Variants in BNC2 observed in about 807,000 individuals in gnomAD.
BNC2 encodes basonuclin zinc finger protein 2, also known as zinc finger protein basonuclin-2.
Under a neutral mutation model 76.3 loss-of-function variants are expected in BNC2, and 20 were observed. That is an observed-to-expected ratio of 0.26 (90% CI 0.18 to 0.38). The LOEUF (loss-of-function observed/expected upper bound fraction) is 0.38, where lower values mean the gene tolerates loss of function less well. BNC2 is among the 10% of genes least tolerant of loss of function. The pLI, the probability that BNC2 is intolerant of heterozygous loss-of-function variation, is 1.00. For missense variants in BNC2, 1,382 were observed against 1,399.8 expected (o/e 0.99, Z 0.20); for synonymous variants, 582 against 514.8 (o/e 1.13, Z -1.77).
chr9:16,640,441 G>A (rs1821459692), intron 3 of BNC2, among the ~76,000 whole-genome samples: 1 of 152,186 alleles, frequency 6.6e-6, no homozygotes, highest in Non-Finnish European at 1.5e-5. Context: ...ATCCTTTCAT[G>A]TTAGAAAATG....
chr9:16,655,583 T>C (rs1201265964), intron 3 of BNC2, among the ~76,000 whole-genome samples: 1 of 152,210 alleles, frequency 6.6e-6, no homozygotes, highest in Admixed American at 6.5e-5. Context: ...AATTCAAGCA[T>C]TACTGACAAA....
intron 3 of BNC2, among the ~76,000 whole-genome samples, chr9:16,674,379 T>C (rs1822574506): frequency 6.6e-6 from 1 of 152,150 alleles, no homozygotes; most frequent in African/African-American, 2.4e-5. Context: ...CCACTTACAA[T>C]ACACCATCAG....
At chr9:16,462,856 T>A (rs1587057097) in intron 5 of BNC2, among the ~76,000 whole-genome samples, 2 of 152,192 alleles carry the variant, frequency 1.3e-5, no homozygotes, top group South Asian at 4.1e-4. Context: ...ATGTCTCTTT[T>A]GTGCTCCAGA....
intron 1 of BNC2, among the ~76,000 whole-genome samples, chr9:16,815,296 A>G (rs180687595): frequency 1.8e-4 from 28 of 152,336 alleles, no homozygotes; most frequent in Admixed American, 4.6e-4. Flanking sequence ...ATGGCATGGA[A>G]AACTCAAACG....
At chr9:16,492,877 T>C (rs1215555889) in intron 5 of BNC2, among the ~76,000 whole-genome samples, 2 of 152,110 alleles carry the variant, frequency 1.3e-5, no homozygotes, top group Non-Finnish European at 2.9e-5. Context: ...TGAAACGTTG[T>C]GTCTTAAGTC....
intron 5 of BNC2, among the ~76,000 whole-genome samples, chr9:16,525,719 ATAT>A (rs2132139105): frequency 6.6e-6 from 1 of 152,342 alleles, no homozygotes; most frequent in East Asian, 1.9e-4. Flanking sequence ...TTTACAAGAT[ATAT>A]TATTAAGTGA....
At chr9:16,623,225 G>T (rs919895620) in intron 3 of BNC2, among the ~76,000 whole-genome samples, 1 of 152,126 alleles carries the variant, frequency 6.6e-6, no homozygotes, top group Admixed American at 6.6e-5. Flanking sequence ...AAAGTAGTCA[G>T]GTTAGCCACC....
intron 1 of BNC2, among the ~76,000 whole-genome samples, chr9:16,816,450 G>A (rs1818184951): frequency 6.6e-6 from 1 of 152,178 alleles, no homozygotes; most frequent in Admixed American, 6.5e-5. Flanking sequence ...ACCAAGCTGG[G>A]CAGCCTTCCC....
intron 1 of BNC2, among the ~76,000 whole-genome samples, chr9:16,786,591 G>T (rs547929388): frequency 1.4e-4 from 21 of 152,162 alleles, no homozygotes; most frequent in African/African-American, 5.1e-4. Flanking sequence ...TTTCTGTCCC[G>T]GATACCATAT....
intron 3 of BNC2, among the ~76,000 whole-genome samples, chr9:16,609,276 C>G (rs1820472453): frequency 1.3e-5 from 2 of 151,992 alleles, no homozygotes; most frequent in Non-Finnish European, 2.9e-5. Flanking sequence ...AGTATAAAAC[C>G]CACAGTATCC....
chr9:16,849,708 T>C (rs1449754809), intron 1 of BNC2, among the ~76,000 whole-genome samples: 2 of 152,096 alleles, frequency 1.3e-5, no homozygotes, highest in African/African-American at 2.4e-5. Context: ...GTATACAAAT[T>C]GGAAGAAGTT....
At chr9:16,546,047 G>A (rs1818471766) in intron 5 of BNC2, among the ~76,000 whole-genome samples, 1 of 152,098 alleles carries the variant, frequency 6.6e-6, no homozygotes, top group South Asian at 2.1e-4. Context: ...CGCCTAAAAT[G>A]CATTCCCTAT....
At chr9:16,549,339 T>A (rs371608320) in intron 5 of BNC2, among the ~76,000 whole-genome samples, 5 of 152,342 alleles carry the variant, frequency 3.3e-5, no homozygotes, top group African/African-American at 1.2e-4. Context: ...CAATATGTGG[T>A]AAGACTAACA....
intron 2 of BNC2, among the ~76,000 whole-genome samples, chr9:16,731,198 C>T (rs1208348240): frequency 6.6e-6 from 1 of 152,114 alleles, no homozygotes; most frequent in Non-Finnish European, 1.5e-5. Context: ...GAATAACTCT[C>T]TGGAATCATT....
intron 3 of BNC2, among the ~76,000 whole-genome samples, chr9:16,641,718 G>C (rs1350002075): frequency 6.6e-6 from 1 of 152,050 alleles, no homozygotes; most frequent in African/African-American, 2.4e-5. Context: ...ATTTCAATGG[G>C]GGCATATGGA....
In BNC2 at chr9:16,419,228, C is replaced by T; in HGVS notation, c.3061G>A (p.Gly1021Arg). ...GACAAGCTGCTGAACATAAGAGATC[C>T]TGAAACTTCAGCCCCTAGGCTGCCA... is the stretch of plus-strand genomic sequence containing the variant. The part of the protein sequence containing the change: ...LPGSLGAEVS[G>R]SLMFSSLSGS... The change falls in exon 7 of 7, where the codon GGA becomes AGA. Residue 1021 changes from glycine (G) to arginine (R), a missense_variant. This residue lies in a region of BNC2 where 798 missense variants were observed against 775.5 expected (regional missense o/e 1.03). Coordinates refer to ENST00000380672, the MANE Select transcript of BNC2 (RefSeq NM_017637.6). 6.2e-7 allele frequency: 1 copy of T among 1,614,230 alleles called. No homozygotes were observed. Among genetic ancestry groups the T allele is most frequent in the Non-Finnish European group, 8.5e-7 (1 of 1,180,048 alleles).
chr9:16,792,652 C>T (rs957062564), intron 1 of BNC2, among the ~76,000 whole-genome samples: 4 of 152,070 alleles, frequency 2.6e-5, no homozygotes, highest in East Asian at 1.9e-4. Context: ...TAAATACCAG[C>T]GGGGGGAACC....
chr9:16,746,953 C>T (rs1336353288), intron 1 of BNC2, among the ~76,000 whole-genome samples: 1 of 117,062 alleles, frequency 8.5e-6, no homozygotes, highest in East Asian at 2.0e-4. Context: ...CAGAGCAAGA[C>T]TCCATCTCAA....
At chr9:16,552,961 T>C (rs538097699) in intron 4 of BNC2, among the ~76,000 whole-genome samples, 196 bp from the exon 5 acceptor site, 24 of 152,294 alleles carry the variant, frequency 1.6e-4, no homozygotes, top group Admixed American at 1.2e-3. Flanking sequence ...CCCTTTTCTT[T>C]CCTATTTTTT....
Sources: gnomAD v4.1 joint callset for allele counts (sites outside exome capture counted in the v4.1 genomes callset) on GRCh38, gnomAD v4.1.1 for gene constraint, gnomAD v4.1.1 regional missense constraint, MANE v1.5 for transcripts, NCBI Gene and HGNC (gene_info 2026-07-23, HGNC 2026-07-21) for gene names.